Variants in MICALL2 observed in about 807,000 individuals in gnomAD.
MICALL2 encodes MICAL like 2.
Under a neutral mutation model 91.1 loss-of-function variants are expected in MICALL2, and 111 were observed. That is an observed-to-expected ratio of 1.22 (90% CI 1.04 to 1.43). The LOEUF (loss-of-function observed/expected upper bound fraction) is 1.43, where lower values mean the gene tolerates loss of function less well. MICALL2 is among the 40% of genes most tolerant of loss of function. The pLI, the probability that MICALL2 is intolerant of heterozygous loss-of-function variation, is 0.00. For missense variants in MICALL2, 1,556 were observed against 1,236.0 expected, an observed-to-expected ratio of 1.26 and a Z score of -3.88; for synonymous variants, 694 against 525.3, an observed-to-expected ratio of 1.32 and a Z score of -4.39.
chr7:1,445,120 C>T lies in MICALL2; in HGVS notation c.950G>A (p.Arg317Lys). ...GCTCTCAGAGGGCCTGGCTGGGCTC[C>T]TCACGTGGACGGACGTGGCGCTGGT... ...AATSATSVHV[R>K]SPARPSESRL... Residue 317 changes from arginine to lysine, a missense_variant, in exon 6 of 17, where the codon AGG (arginine) becomes AAG (lysine). Coordinates refer to ENST00000297508, the MANE Select transcript of MICALL2 (RefSeq NM_182924.4). The T allele has an allele frequency of 1.3e-6, 2 of 1,558,254 alleles. No individual in the cohort carries two copies. Among genetic ancestry groups the T allele is most frequent in the Non-Finnish European group, 1.7e-6 (2 of 1,152,058 alleles).
In MICALL2 at chr7:1,445,791, C is replaced by G. The variant is rs533493131; in HGVS notation, c.642-363G>C. Among the ~76,000 whole-genome samples the G allele has an allele frequency of 3.7e-4, 56 of 152,260 alleles. 1 individual carries two copies. The South Asian group carries it at 0.01, about 28-fold the overall frequency. Reference sequence around the variant, plus strand: ...CACCTCGGGGCTGACCCACCCTGGCCTCACAGCGTGGGGGATGGAACTGGG... The same window carrying G: ...CACCTCGGGGCTGACCCACCCTGGCGTCACAGCGTGGGGGATGGAACTGGG... On this transcript the variant is annotated intron_variant, in intron 5 of 16. Transcript: ENST00000297508.
rs1180039451 is a variant in MICALL2 at position 1,459,341 on chromosome 7, C to A, written c.-15G>T. The stretch of plus-strand genomic sequence containing the variant: ...ATGGCCGCCATGTGGGCGGCGCGCC[C>A]GCCGCGCGGCGGAACCGCCCTCCGA... On this transcript the variant is annotated 5_prime_UTR_variant, in exon 1 of 17. Transcript: ENST00000297508. 6.7e-7 allele frequency: 1 copy of A among 1,502,546 alleles called. No homozygotes were observed. Among genetic ancestry groups the A allele is most frequent in the Admixed American group, 2.3e-5 (1 of 43,352 alleles). 93.1% of individuals were successfully genotyped at this position (1,502,546 alleles called of 1,614,324 possible).
At chr7:1,454,957 G>A (rs1255360219) in intron 1 of MICALL2, among the ~76,000 whole-genome samples, 1 of 152,172 alleles carries the variant, frequency 6.6e-6, no homozygotes, top group East Asian at 1.9e-4. Flanking sequence ...GAAAACTTAA[G>A]GGACCCTGCC....
intron 13 of MICALL2, 25 bp from the exon 14 acceptor site, chr7:1,437,633 G>T: frequency 6.5e-7 from 1 of 1,535,302 alleles, no homozygotes. Context: ...CGCGTCTGAG[G>T]CCTGACTCTG....
In MICALL2 at chr7:1,442,388, G is replaced by C. The variant is rs748706267; in HGVS notation, c.1515C>G (p.Pro505=). The C allele has an allele frequency of 1.2e-6, 2 of 1,608,432 alleles. No homozygotes were observed. The highest frequency in any genetic ancestry group is 1.1e-5 in the South Asian group (1 of 90,410). ...TCCTCGAAGGGAGGCCAAGCACCCG[G>C]GGAGACGAGGACTGTAACGGCTTGG... ...PLAKPLQSSS[P]RVLGLPSRME... is the part of the protein sequence containing the mutation. The change falls in exon 7 of 17, where the codon CCC becomes CCG. Residue 505 remains proline (P), a synonymous_variant. Transcript: ENST00000297508.
intron 1 of MICALL2, among the ~76,000 whole-genome samples, chr7:1,450,773 C>T (rs533482103): frequency 1.3e-5 from 2 of 152,234 alleles, no homozygotes; most frequent in African/African-American, 4.8e-5. Context: ...GGGCCAGCCA[C>T]GCTGCCCCCG....
chr7:1,438,832 G>C lies in MICALL2; in HGVS notation c.2122+8C>G. 6.3e-7 allele frequency: 1 copy of C among 1,598,396 alleles called. No individual in the cohort carries two copies. Among genetic ancestry groups the C allele is most frequent in the Non-Finnish European group, 8.5e-7 (1 of 1,170,474 alleles). Reference sequence around the variant, plus strand: ...ACCCCAAACAGCAGCGGTGTCTCTGGGGCTGACCTGGTTTGCCCTGAAGGT... The same window carrying C: ...ACCCCAAACAGCAGCGGTGTCTCTGCGGCTGACCTGGTTTGCCCTGAAGGT... On this transcript the variant is annotated splice_region_variant and intron_variant, in intron 10 of 16. Coordinates refer to ENST00000297508, the MANE Select transcript of MICALL2 (RefSeq NM_182924.4).
chr7:1,442,578 C>A, intron 6 of MICALL2, 94 bp from the exon 7 acceptor site: 2 of 1,251,810 alleles, frequency 1.6e-6, no homozygotes, highest in South Asian at 2.9e-5. Context: ...GCAGCTCACT[C>A]CCAATGCCCA....
chr7:1,443,785 C>T (rs970468440), intron 6 of MICALL2, among the ~76,000 whole-genome samples: 3 of 152,178 alleles, frequency 2.0e-5, no homozygotes, highest in African/African-American at 4.8e-5. Flanking sequence ...GCCCTTCCCC[C>T]GCCTCAAGGT....
In MICALL2 at chr7:1,440,089, G is replaced by A; in HGVS notation, c.1806-4C>T. 1.3e-6 allele frequency: 2 copies of A among 1,586,584 alleles called. No homozygotes were observed. The highest frequency in any genetic ancestry group is 1.7e-6 in the Non-Finnish European group (2 of 1,172,520). On this transcript the variant is annotated splice_region_variant and splice_polypyrimidine_tract_variant and intron_variant, in intron 8 of 16. Transcript: ENST00000297508. ...TGGTTCCTTGGGCTTCAGAGTCCTG[G>A]GCAGAAGGCATGAGGTCGGAACCCG...
In MICALL2 at chr7:1,451,315, C is replaced by A. The variant is rs570706129; in HGVS notation, c.144-1027G>T. 2.6e-5 allele frequency among the ~76,000 whole-genome samples: 4 copies of A among 152,216 alleles called. No individual in the cohort carries two copies. Among genetic ancestry groups the A allele is most frequent in the South Asian group, 2.1e-4 (1 of 4,818 alleles). ...CCCAGCCCAGCCCCAGGCCCTCCGACAAAAACCACCAGGCTCCCAGCACGG... is the reference window on the plus strand; with the variant it reads ...CCCAGCCCAGCCCCAGGCCCTCCGAAAAAAACCACCAGGCTCCCAGCACGG... On this transcript the variant is annotated intron_variant, in intron 1 of 16. Transcript: ENST00000297508. This position sits in a 1 kb window ranked among gnomAD's most constrained non-coding sequence, Gnocchi z 4.5.
chr7:1,437,238 A>G lies in MICALL2; in HGVS notation c.2476+297T>C, dbSNP rs183703298. Reference sequence around the variant, plus strand: ...TATGGCTCGCCCTGACTGCTGCTACACTAAATGCCTTGTGCGAATTGATTC... The same window carrying G: ...TATGGCTCGCCCTGACTGCTGCTACGCTAAATGCCTTGTGCGAATTGATTC... On this transcript the variant is annotated intron_variant, in intron 14 of 16. Transcript: ENST00000297508. The G allele has an allele frequency of 1.2e-3, 605 of 501,020 alleles. 1 individual carries two copies. Among genetic ancestry groups the G allele is most frequent in the African/African-American group, 0.01 (512 of 48,788 alleles). The allele number at this position is 501,020 out of a possible 1,614,324, so 31.0% of individuals were successfully genotyped here.
intron 9 of MICALL2, 145 bp from the exon 10 acceptor site, chr7:1,439,140 C>A: frequency 1.5e-6 from 1 of 671,600 alleles, no homozygotes; most frequent in South Asian, 2.0e-5. Flanking sequence ...GTTGGCATCA[C>A]AAGCCCTACA....
chr7:1,445,194 G>GC lies in MICALL2; in HGVS notation c.875dup (p.Asn293GlnfsTer32). On this transcript the variant is annotated frameshift_variant, in exon 6 of 17. Transcript: ENST00000297508. LOFTEE classifies it high-confidence loss of function. The stretch of plus-strand genomic sequence containing the variant: ...GAACGGAAGCCCTGGCAGGCGAGTT[G>GC]CCCGCAGCAGGCTCCCAGGCCGACG... 1 of 1,596,812 alleles carries GC rather than the reference G, an allele frequency of 6.3e-7. No individual in the cohort carries two copies. Among genetic ancestry groups the GC allele is most frequent in the Non-Finnish European group, 8.5e-7 (1 of 1,172,656 alleles).
At chr7:1,446,526 A>C in intron 5 of MICALL2, 187 bp downstream of exon 5, 2 of 476,528 alleles carry the variant, frequency 4.2e-6, no homozygotes, top group Non-Finnish European at 7.5e-6. Context: ...AAGAGGGAGA[A>C]GGGGAGGAGA....
intron 1 of MICALL2, among the ~76,000 whole-genome samples, chr7:1,454,473 G>T (rs999502122): frequency 1.3e-5 from 2 of 151,560 alleles, no homozygotes; most frequent in Non-Finnish European, 2.9e-5. Context: ...GCAGGGGGCG[G>T]TGACGACTGG....
chr7:1,435,947 G>A (rs1779946722), intron 15 of MICALL2, among the ~76,000 whole-genome samples: 1 of 151,870 alleles, frequency 6.6e-6, no homozygotes, highest in African/African-American at 2.4e-5. Context: ...AGCTACTTGG[G>A]AAGCTGAGGC....
intron 7 of MICALL2, 70 bp from the exon 8 acceptor site, chr7:1,440,754 G>C: frequency 7.5e-7 from 1 of 1,326,150 alleles, no homozygotes; most frequent in Non-Finnish European, 1.1e-6. Flanking sequence ...AAGGGTGGCT[G>C]TGCCTCCCCC....
Position 1,442,456 on chromosome 7 carries a change from T to C in MICALL2, c.1447A>G (p.Ser483Gly), listed in dbSNP as rs1584211563. ...GGTGCTTCAGTTTTGGGCTGAGAAC[T>C]GGGAACAGCGGCAGTGGCTGGGGAG... Reference protein sequence around the residue: ...RPSPATAAVPSSQPKTEAPQA... With the variant: ...RPSPATAAVPGSQPKTEAPQA... The change falls in exon 7 of 17, where the codon AGT (serine) becomes GGT (glycine). Residue 483 changes from serine to glycine, a missense_variant. Coordinates refer to ENST00000297508, the MANE Select transcript of MICALL2 (RefSeq NM_182924.4). The C allele has an allele frequency of 6.5e-7, 1 of 1,544,542 alleles. No homozygotes were observed. The highest frequency in any genetic ancestry group is 8.7e-7 in the Non-Finnish European group (1 of 1,143,608).
Sources: gnomAD v4.1 joint callset for allele counts (sites outside exome capture counted in the v4.1 genomes callset) on GRCh38, gnomAD v4.1.1 for gene constraint, Gnocchi (gnomAD v3.1) non-coding constraint, MANE v1.5 for transcripts, NCBI Gene and HGNC (gene_info 2026-07-23, HGNC 2026-07-21) for gene names.